The following KIAA0586 variants were observed in gnomAD, a reference collection of about 807,000 sequenced individuals.
KIAA0586 encodes the protein KIAA0586, also known as protein TALPID3.
In KIAA0586, 144 loss-of-function variants were observed where a neutral mutation model predicts 169.8. The observed-to-expected ratio is 0.85, with a 90% CI of 0.74 to 0.97. KIAA0586 has a LOEUF of 0.97. KIAA0586 is among the 50% of genes least tolerant of loss of function. The pLI is 0.00. For synonymous variants in KIAA0586, 625 were observed against 612.4 expected, an observed-to-expected ratio of 1.02 and a Z score of -0.30; for missense variants, 1,854 against 1,823.0, an observed-to-expected ratio of 1.02 and a Z score of -0.31.
intron 29 of KIAA0586, among the ~76,000 whole-genome samples, chr14:58,520,257 C>A (rs1391585264): frequency 6.6e-6 from 1 of 152,094 alleles, no homozygotes; most frequent in Non-Finnish European, 1.5e-5. Context: ...TTAGTATATG[C>A]AAAAAGTTGC....
chr14:58,457,725 G>A (rs1489327796), intron 10 of KIAA0586, 34 bp from the exon 11 acceptor site: 2 of 1,374,450 alleles, frequency 1.5e-6, no homozygotes, highest in Admixed American at 2.1e-5. Context: ...ATCGTTGTGA[G>A]TTTAGTAACT....
Position 58,432,251 on chromosome 14 carries a change from T to C in KIAA0586, c.341-137T>C, listed in dbSNP as rs1020975599. ...ATTACTTAATCACTTAATTTGTTCC[T>C]TGTCCTTTTCGATCGTGGAATGCTA... On this transcript the variant is annotated intron_variant, in intron 3 of 30. Transcript: ENST00000652326. 14 of 589,088 alleles carry C rather than the reference T, an allele frequency of 2.4e-5. 1 individual carries two copies. Among genetic ancestry groups the C allele is most frequent in the Admixed American group, 3.6e-5 (1 of 27,886 alleles). The allele number at this position is 589,088 out of a possible 1,614,324, so 36.5% of individuals were successfully genotyped here.
intron 29 of KIAA0586, chr14:58,521,359 G>T: frequency 1.0e-6 from 1 of 984,620 alleles, no homozygotes; most frequent in Non-Finnish European, 1.6e-6. Context: ...ATTGTGGGCT[G>T]CTCTGTTCAT....
At chr14:58,516,644 G>A (rs1337552110) in intron 29 of KIAA0586, among the ~76,000 whole-genome samples, 1 of 152,184 alleles carries the variant, frequency 6.6e-6, no homozygotes, top group Non-Finnish European at 1.5e-5. Context: ...AAGTTGACAA[G>A]CTGAAGCTAA....
rs539258889 is a variant in KIAA0586, at chr14:58,509,815, G to C, written c.4323+1106G>C. 8.1e-4 allele frequency among the ~76,000 whole-genome samples: 124 copies of C among 152,246 alleles called. 2 individuals are homozygous for C. The highest frequency in any genetic ancestry group is 3.4e-3 in the Middle Eastern group (1 of 294). ...ATATGATACCAAAGGTACTATCTAT[G>C]AATAATAATTTTTTAAATTGGTCTT... On this transcript the variant is annotated intron_variant, in intron 28 of 30. Coordinates refer to ENST00000652326, the MANE Select transcript of KIAA0586 (RefSeq NM_001329943.3).
At chr14:58,556,737 TTTTG>T in the KIAA0586 span, among the ~76,000 whole-genome samples, 78 of 152,210 alleles carry the variant, frequency 5.1e-4, no homozygotes, top group South Asian at 3.7e-3. Context: ...TTTTTGTAGT[TTTTG>T]TTTGTTTGTT....
chr14:58,463,886 G>T lies in KIAA0586; in HGVS notation c.2060-1949G>T, dbSNP rs184633108. On this transcript the variant is annotated intron_variant, in intron 14 of 30. Coordinates refer to ENST00000652326, the MANE Select transcript of KIAA0586 (RefSeq NM_001329943.3). ...ATACATAGAAACACCCACATGTGAAGTGGAAGTGTAGGTGACGGTCTGAGA... is the reference window on the plus strand; with the variant it reads ...ATACATAGAAACACCCACATGTGAATTGGAAGTGTAGGTGACGGTCTGAGA... The T allele has an allele frequency of 4.5e-4, 137 of 303,740 alleles. No homozygotes were observed. The Middle Eastern group carries it at 9.1e-3, about 20-fold the overall frequency. The allele number at this position is 303,740 out of a possible 1,614,324, so 18.8% of individuals were successfully genotyped here.
At chr14:58,535,791 G>A (rs1374305942) in intron 29 of KIAA0586, among the ~76,000 whole-genome samples, 2 of 144,832 alleles carry the variant, frequency 1.4e-5, no homozygotes, top group Admixed American at 6.9e-5. Flanking sequence ...ATTGAGTTTT[G>A]TTTTAAATTC....
At chr14:58,477,566 T>C (rs2041736346) in intron 20 of KIAA0586, among the ~76,000 whole-genome samples, 1 of 152,224 alleles carries the variant, frequency 6.6e-6, no homozygotes, top group Non-Finnish European at 1.5e-5. Flanking sequence ...CTCTTTATAC[T>C]ATAAATTACT....
chr14:58,439,429 C>T (rs550298271), intron 4 of KIAA0586, among the ~76,000 whole-genome samples: 3 of 152,196 alleles, frequency 2.0e-5, no homozygotes, highest in South Asian at 2.1e-4. Flanking sequence ...CCTCGTGATC[C>T]GCCCGCCTCA....
Position 58,547,981 on chromosome 14 carries a change from A to G in KIAA0586, c.*49A>G. On this transcript the variant is annotated 3_prime_UTR_variant, in exon 31 of 31. Coordinates refer to ENST00000652326, the MANE Select transcript of KIAA0586 (RefSeq NM_001329943.3). ...TGTTTATGCCACTGGTTTTAAAGTC[A>G]TTTTACCTTGGCTTAAAACCCTCTC... is the stretch of plus-strand genomic sequence containing the variant. The G allele has an allele frequency of 1.3e-6, 2 of 1,594,678 alleles. No homozygotes were observed. Among genetic ancestry groups the G allele is most frequent in the South Asian group, 1.1e-5 (1 of 88,920 alleles).
chr14:58,559,163 A>T, the KIAA0586 span, among the ~76,000 whole-genome samples: 1 of 152,160 alleles, frequency 6.6e-6, no homozygotes, highest in African/African-American at 2.4e-5. Flanking sequence ...TTTCCACTGG[A>T]TTCCTTGGAT....
rs368936246 is a variant in KIAA0586, at chr14:58,446,820, C to T, written c.808-1520C>T. Among the ~76,000 whole-genome samples the T allele has an allele frequency of 7.2e-5, 11 of 152,156 alleles. 1 individual carries two copies. Among genetic ancestry groups the T allele is most frequent in the Admixed American group, 4.6e-4 (7 of 15,288 alleles). On this transcript the variant is annotated intron_variant, in intron 6 of 30. Coordinates refer to ENST00000652326, the MANE Select transcript of KIAA0586 (RefSeq NM_001329943.3). ...TAAAATTGAGCACGCAGCAAATTAT[C>T]TAGTGAGAGACCAGGAATGAGTCTA...
Position 58,448,453 on chromosome 14 carries a change from C to T in KIAA0586, c.921C>T (p.Ser307=). 2 of 1,612,066 alleles carry T rather than the reference C, an allele frequency of 1.2e-6. No individual in the cohort carries two copies. Among genetic ancestry groups the T allele is most frequent in the South Asian group, 1.1e-5 (1 of 90,968 alleles). Reference sequence around the variant, plus strand: ...AACCAGAACACCCTAATCTTGGTAGCTGTAATCCATCTTTATATAACACAT... The same window carrying T: ...AACCAGAACACCCTAATCTTGGTAGTTGTAATCCATCTTTATATAACACAT... ...SVKPEHPNLG[S]CNPSLYNTFA... is the part of the protein sequence containing the mutation. The change falls in exon 7 of 31, where the codon AGC becomes AGT. Residue 307 remains serine (S), a synonymous_variant. Coordinates refer to ENST00000652326, the MANE Select transcript of KIAA0586 (RefSeq NM_001329943.3).
chr14:58,469,101 A>G (rs2041001521), intron 16 of KIAA0586, among the ~76,000 whole-genome samples: 1 of 152,194 alleles, frequency 6.6e-6, no homozygotes, highest in African/African-American at 2.4e-5. Context: ...AAATTTATAC[A>G]GAACAGCCTC....
At chr14:58,462,547 C>A (rs940440872) in intron 14 of KIAA0586, among the ~76,000 whole-genome samples, 4 of 152,218 alleles carry the variant, frequency 2.6e-5, no homozygotes, top group African/African-American at 9.6e-5. Flanking sequence ...GCCACTGTGC[C>A]CGGCCTAGTG....
chr14:58,458,187 A>AT (rs1277662732), intron 11 of KIAA0586, among the ~76,000 whole-genome samples: 4 of 151,764 alleles, frequency 2.6e-5, no homozygotes, highest in African/African-American at 9.7e-5. Context: ...TTTTCTTTTA[A>AT]TTTTTTCTTT....
downstream of KIAA0586, among the ~76,000 whole-genome samples, chr14:58,551,735 C>T (rs1038013303): frequency 2.0e-5 from 3 of 151,810 alleles, no homozygotes; most frequent in South Asian, 4.2e-4. Context: ...CACTGCACTC[C>T]GGCCTGGGTG....
intron 4 of KIAA0586, among the ~76,000 whole-genome samples, chr14:58,437,865 T>C (rs1456976766): frequency 6.6e-6 from 1 of 152,240 alleles, no homozygotes; most frequent in Admixed American, 6.5e-5. Context: ...GAGAGATGGC[T>C]AGGGCTGGAT....
Sources: allele counts gnomAD v4.1 joint callset (sites outside exome capture counted in the v4.1 genomes callset), GRCh38; gene constraint gnomAD v4.1.1; transcripts MANE v1.5; gene names NCBI Gene and HGNC (gene_info 2026-07-23, HGNC 2026-07-21).